Variants in REPS1 observed in about 807,000 individuals in gnomAD.
REPS1 encodes ralBP1-associated Eps domain-containing protein 1.
In REPS1, 39 loss-of-function variants were observed where a neutral mutation model predicts 100.9. The observed-to-expected ratio is 0.39, with a 90% CI of 0.30 to 0.50. The LOEUF is 0.50. Among genes scored for constraint, REPS1 ranks in the 20% least tolerant of loss-of-function variants. REPS1 has a pLI of 0.86. For synonymous variants in REPS1, 324 were observed against 340.3 expected (o/e 0.95, Z 0.53); for missense variants, 821 against 968.5 (o/e 0.85, Z 2.02).
chr6:138,927,985 T>C (rs1781246574), intron 9 of REPS1: 1 of 152,172 alleles, frequency 6.6e-6, no homozygotes, highest in Non-Finnish European at 1.5e-5. Context: ...CTCATTTGGG[T>C]GGCATGAAGT....
At chr6:138,947,513 C>T (rs1481366086) in intron 2 of REPS1, among the ~76,000 whole-genome samples, 2 of 152,108 alleles carry the variant, frequency 1.3e-5, no homozygotes, top group East Asian at 3.8e-4. Flanking sequence ...TATTTCTAAA[C>T]AACTTTTGGT....
rs1780097242 is a variant in REPS1 at position 138,912,817 on chromosome 6, T to C, written c.1919A>G (p.Asn640Ser). Reference sequence around the variant, plus strand: ...TTCATCATCTTGTTCGTCGTTTACATTTGATGCAGCAAATACTTCAAACTG... The same window carrying C: ...TTCATCATCTTGTTCGTCGTTTACACTTGATGCAGCAAATACTTCAAACTG... ...FSQFEVFAAS[N>S]VNDEQDDEAE... is the part of the protein sequence containing the mutation. Residue 640 changes from asparagine (N) to serine (S), a missense_variant, in exon 16 of 20, where the codon AAT (asparagine) becomes AGT (serine). Transcript: ENST00000450536. 1 of 1,614,052 alleles carries C rather than the reference T, an allele frequency of 6.2e-7. No homozygotes were observed. Among genetic ancestry groups the C allele is most frequent in the South Asian group, 1.1e-5 (1 of 91,084 alleles).
At chr6:138,907,643 C>T (rs1190915500) in intron 18 of REPS1, 43 bp from the exon 19 acceptor site, 4 of 1,220,706 alleles carry the variant, frequency 3.3e-6, no homozygotes, top group Admixed American at 1.7e-5. Flanking sequence ...ACCTTCATTT[C>T]TTATCTTAAA....
At chr6:138,983,619 G>A (rs936910154) in intron 1 of REPS1, among the ~76,000 whole-genome samples, 3 of 152,134 alleles carry the variant, frequency 2.0e-5, no homozygotes, top group African/African-American at 7.2e-5. Context: ...TGGACTCGGT[G>A]TTATTTGTTC....
At chr6:138,912,687 T>G in intron 16 of REPS1, 78 bp downstream of exon 16, 1 of 1,362,938 alleles carries the variant, frequency 7.3e-7, no homozygotes. Flanking sequence ...ATGTCCCCTC[T>G]AATATCTGCT....
rs1166182648 is a variant in REPS1 at position 138,921,052 on chromosome 6, T to C, written c.1411A>G (p.Lys471Glu). 1 of 1,612,606 alleles carries C rather than the reference T, an allele frequency of 6.2e-7. No individual in the cohort carries two copies. The highest frequency in any genetic ancestry group is 8.5e-7 in the Non-Finnish European group (1 of 1,178,882). Residue 471 changes from lysine (K) to glutamate (E), a missense_variant, in exon 11 of 20, where the codon AAA (lysine) becomes GAA (glutamate). Physicochemically the swap from Lys to Glu is moderately conservative, Grantham distance 56. Transcript: ENST00000450536. ...SKIHMQEMEL[K>E]RTGSDHTNPT... ...GCTTCCTTACCGCTGCCAGTTCTTTTAAGTTCCATTTCCTGCATGTGGATT... is the reference window on the plus strand; with the variant it reads ...GCTTCCTTACCGCTGCCAGTTCTTTCAAGTTCCATTTCCTGCATGTGGATT...
chr6:138,917,737 G>T (rs990836492), intron 12 of REPS1, 110 bp from the exon 13 acceptor site: 2 of 815,370 alleles, frequency 2.5e-6, no homozygotes. Context: ...GATAGTCAAA[G>T]ATTGGCTAAT....
chr6:138,920,313 T>C lies in REPS1; in HGVS notation c.1430A>G (p.His477Arg), dbSNP rs541060025. ...AAGTAATGGGCTAGTGGGATTTGTATGATCTAATAGAGAATTAATAGGTAA... is the reference window on the plus strand; with the variant it reads ...AAGTAATGGGCTAGTGGGATTTGTACGATCTAATAGAGAATTAATAGGTAA... ...EMELKRTGSD[H>R]TNPTSPLLVK... The change falls in exon 12 of 20, where the codon CAT (histidine) becomes CGT (arginine). Residue 477 changes from histidine (H) to arginine (R), a missense_variant. Around this residue, in one of 3 missense-constraint regions of REPS1, gnomAD observed 757 missense variants for 866.4 expected, o/e 0.87. Transcript: ENST00000450536. The C allele has an allele frequency of 9.2e-6, 14 of 1,524,192 alleles. No individual in the cohort carries two copies. In the East Asian group the frequency reaches 2.5e-4, roughly 27 times the overall value. The allele number at this position is 1,524,192 out of a possible 1,614,324, so 94.4% of individuals were successfully genotyped here. A position where few individuals can be genotyped will look rare whatever the true frequency, so the allele number is the denominator to read the frequency against.
intron 18 of REPS1, among the ~76,000 whole-genome samples, chr6:138,908,229 G>A (rs1228559994): frequency 2.6e-5 from 4 of 151,228 alleles, no homozygotes; most frequent in African/African-American, 7.3e-5. Context: ...ATACCTACCC[G>A]TACATGAGGA....
At chr6:138,937,503 G>A in intron 8 of REPS1, among the ~76,000 whole-genome samples, 1 of 151,098 alleles carries the variant, frequency 6.6e-6, no homozygotes, top group Non-Finnish European at 1.5e-5. Flanking sequence ...GTCTTCATGT[G>A]CCTTCTCTTC....
At position 138,955,457 on chromosome 6, in the gene REPS1, AGTGTGT is replaced by A. The variant is rs1554294151; in HGVS notation, c.154-7550_154-7545del. On this transcript the variant is annotated intron_variant, in intron 1 of 19. Coordinates refer to ENST00000450536, the MANE Select transcript of REPS1 (RefSeq NM_001286611.2). ...TGTCTCTTTAAAAAAAAAAAAAAAAAGTGTGTGTGTGTGTGTGTGTGTGTGTGTGTG... is the reference window on the plus strand; with the variant it reads ...TGTCTCTTTAAAAAAAAAAAAAAAAAGTGTGTGTGTGTGTGTGTGTGTGTG... Among the ~76,000 whole-genome samples the A allele has an allele frequency of 1.3e-3, 116 of 90,734 alleles. 2 individuals carry two copies. Among genetic ancestry groups the A allele is most frequent in the Middle Eastern group, 7.4e-3 (1 of 136 alleles). 59.5% of individuals were successfully genotyped at this position (90,734 alleles called of 152,430 possible). A position where few individuals can be genotyped will look rare whatever the true frequency, so the allele number is the denominator to read the frequency against.
chr6:138,949,380 C>G (rs1782849633), intron 1 of REPS1, among the ~76,000 whole-genome samples: 1 of 152,256 alleles, frequency 6.6e-6, no homozygotes, highest in South Asian at 2.1e-4. Flanking sequence ...ACTTGCCCAA[C>G]TTGTTCTCTG....
chr6:138,967,443 A>G (rs1784086197), intron 1 of REPS1, among the ~76,000 whole-genome samples: 1 of 152,202 alleles, frequency 6.6e-6, no homozygotes, highest in South Asian at 2.1e-4. Flanking sequence ...TTCACATTTT[A>G]CTCAATTAAA....
At chr6:138,913,895 C>T (rs1780183994) in intron 15 of REPS1, among the ~76,000 whole-genome samples, 1 of 152,184 alleles carries the variant, frequency 6.6e-6, no homozygotes. Flanking sequence ...AAGTCTCATT[C>T]CTTCATTTCA....
chr6:138,953,986 A>T (rs1198382030), intron 1 of REPS1, among the ~76,000 whole-genome samples: 1 of 152,214 alleles, frequency 6.6e-6, no homozygotes, highest in Non-Finnish European at 1.5e-5. Context: ...GTGCTATATA[A>T]TATATACCAT....
rs970432569 is a variant in REPS1, at chr6:138,922,723, C to T, written c.1339-1599G>A. On this transcript the variant is annotated intron_variant, in intron 10 of 19. Coordinates refer to ENST00000450536, the MANE Select transcript of REPS1 (RefSeq NM_001286611.2). ...GGGGTCAGTTCACACTCTGTATATGCGGCCGCTAAAGACTGAATTTGAGAT... is the reference window on the plus strand; with the variant it reads ...GGGGTCAGTTCACACTCTGTATATGTGGCCGCTAAAGACTGAATTTGAGAT... 3.3e-5 allele frequency among the ~76,000 whole-genome samples: 5 copies of T among 152,170 alleles called. No homozygotes were observed. In the East Asian group the frequency reaches 5.8e-4, roughly 18 times the overall value.
In REPS1 at chr6:138,912,829, A is replaced by G. The variant is rs751737286; in HGVS notation, c.1907T>C (p.Phe636Ser). ...TTCGTCGTTTACATTTGATGCAGCA[A>G]ATACTTCAAACTGACTGAAATCTGC... ...NFADFSQFEV[F>S]AASNVNDEQD... Residue 636 changes from phenylalanine (F) to serine (S), a missense_variant, in exon 16 of 20, where the codon TTT becomes TCT. By Grantham distance (155) the Phe-to-Ser change is radical. This residue lies in a region of REPS1 where 757 missense variants were observed against 866.4 expected (regional missense o/e 0.87). Coordinates refer to ENST00000450536, the MANE Select transcript of REPS1 (RefSeq NM_001286611.2). 1.2e-6 allele frequency: 2 copies of G among 1,614,154 alleles called. No individual in the cohort carries two copies. The highest frequency in any genetic ancestry group is 1.7e-6 in the Non-Finnish European group (2 of 1,180,014).
intron 15 of REPS1, 82 bp from the exon 16 acceptor site, chr6:138,913,032 CTT>C (rs1780116127): frequency 8.9e-7 from 1 of 1,127,778 alleles, no homozygotes; most frequent in African/African-American, 1.6e-5. Context: ...TCTTCGAAAA[CTT>C]AGTATATAAA....
At chr6:138,982,362 C>T (rs925558734) in intron 1 of REPS1, among the ~76,000 whole-genome samples, 7 of 152,200 alleles carry the variant, frequency 4.6e-5, no homozygotes, top group Non-Finnish European at 8.8e-5. Flanking sequence ...AGATTTTCAG[C>T]TTCATTAACA....
Sources: allele counts gnomAD v4.1 joint callset (sites outside exome capture counted in the v4.1 genomes callset), GRCh38; gene constraint gnomAD v4.1.1; regional missense constraint gnomAD v4.1.1; transcripts MANE v1.5; gene names NCBI Gene and HGNC (gene_info 2026-07-23, HGNC 2026-07-21).